Variants in ANO3 observed in about 807,000 individuals in gnomAD.
ANO3 encodes anoctamin-3.
Under a neutral mutation model 144.8 loss-of-function variants are expected in ANO3, and 99 were observed. That is an observed-to-expected ratio of 0.68 (90% CI 0.58 to 0.81). The LOEUF (loss-of-function observed/expected upper bound fraction) is 0.81, where lower values mean the gene tolerates loss of function less well. Ranked by LOEUF, ANO3 falls within the 30% of genes least tolerant of loss-of-function variation. ANO3 has a pLI of 0.00. For synonymous variants in ANO3, 414 were observed against 392.6 expected (o/e 1.05, Z -0.64); for missense variants, 905 against 1,202.2 (o/e 0.75, Z 3.66).
intron 17 of ANO3, among the ~76,000 whole-genome samples, chr11:26,604,299 G>A (rs11603245): frequency 0.15 from 23,529 of 152,160 alleles, 2,097 homozygotes; most frequent in East Asian, 0.33. Context: ...GTACCATGCT[G>A]TTTTGGTTAC....
chr11:26,512,127 G>A (rs1231293490), intron 5 of ANO3, among the ~76,000 whole-genome samples: 1 of 152,150 alleles, frequency 6.6e-6, no homozygotes, highest in Non-Finnish European at 1.5e-5. Flanking sequence ...ATCATGGGTG[G>A]CATTAGAGAT....
chr11:26,574,139 G>A (rs1850927292), intron 14 of ANO3, among the ~76,000 whole-genome samples: 3 of 152,062 alleles, frequency 2.0e-5, no homozygotes, highest in African/African-American at 7.2e-5. Flanking sequence ...TACCCACTAT[G>A]GTGCCTTTCA....
intron 17 of ANO3, among the ~76,000 whole-genome samples, chr11:26,619,845 A>G (rs1011476374): frequency 5.3e-5 from 8 of 152,254 alleles, no homozygotes; most frequent in African/African-American, 1.7e-4. Flanking sequence ...CAAATCATTC[A>G]AAAATACTCT....
chr11:26,615,093 G>GA (rs919385978), intron 17 of ANO3, among the ~76,000 whole-genome samples: 1 of 149,858 alleles, frequency 6.7e-6, no homozygotes, highest in Admixed American at 6.6e-5. Context: ...TTTATAATCA[G>GA]AAAAAAACTC....
chr11:26,437,945 A>C (rs1477560622), intron 1 of ANO3, among the ~76,000 whole-genome samples: 1 of 152,244 alleles, frequency 6.6e-6, no homozygotes, highest in Non-Finnish European at 1.5e-5. Context: ...AAGAGGATTT[A>C]ATTTTAGAAA....
chr11:26,396,299 G>A (rs1022586599), intron 1 of ANO3, among the ~76,000 whole-genome samples: 3 of 152,152 alleles, frequency 2.0e-5, no homozygotes, highest in Non-Finnish European at 4.4e-5. Flanking sequence ...ACAGATGCTG[G>A]AGGGGATGTG....
intron 1 of ANO3, among the ~76,000 whole-genome samples, chr11:26,192,392 G>C (rs550586160): frequency 6.6e-5 from 10 of 152,288 alleles, no homozygotes; most frequent in African/African-American, 1.9e-4. Context: ...TTTAATCTCA[G>C]TGGTGTGGCA....
chr11:26,547,880 T>C (rs1849828643), intron 12 of ANO3, among the ~76,000 whole-genome samples: 1 of 150,970 alleles, frequency 6.6e-6, no homozygotes, highest in Non-Finnish European at 1.5e-5. Flanking sequence ...GAATGCCCTC[T>C]TGATATATTC....
chr11:26,430,613 C>G (rs1259051478), intron 1 of ANO3, among the ~76,000 whole-genome samples: 1 of 151,090 alleles, frequency 6.6e-6, no homozygotes, highest in Non-Finnish European at 1.5e-5. Flanking sequence ...AAACAAATAC[C>G]AAGAAAGAAG....
In ANO3 at chr11:26,282,375, A is replaced by G. The variant is rs558432688; in HGVS notation, c.155-27270A>G. Among the ~76,000 whole-genome samples the G allele has an allele frequency of 3.3e-5, 5 of 150,380 alleles. No homozygotes were observed. In the East Asian group the frequency reaches 7.8e-4, roughly 24 times the overall value. On this transcript the variant is annotated intron_variant, in intron 1 of 27. Transcript: ENST00000672621. ...AATTTATCTCTTATTGTTGGTTGTT[A>G]GGAAACTCAGACATAAACTTTTATG...
chr11:26,333,276 C>T, intron 1 of ANO3, among the ~76,000 whole-genome samples: 1 of 127,304 alleles, frequency 7.9e-6, no homozygotes, highest in Non-Finnish European at 1.6e-5. Flanking sequence ...TTTTATGTAG[C>T]TCTTTGACTT....
At chr11:26,608,267 G>A (rs1449326964) in intron 17 of ANO3, among the ~76,000 whole-genome samples, 2 of 152,140 alleles carry the variant, frequency 1.3e-5, no homozygotes, top group Non-Finnish European at 1.5e-5. Context: ...CATGCCTGTA[G>A]ATGTCACACA....
Position 26,443,771 on chromosome 11 carries a change from C to A in ANO3, c.248C>A (p.Thr83Asn). Reference protein sequence around the residue: ...ISTDKAEQVNTEENKNDSVLR... With the variant: ...ISTDKAEQVNNEENKNDSVLR... ...GTATCTTATTTTATTTCAGTTAATACTGAGGAGAATAAAAACGACTCTGTG... is the reference window on the plus strand; with the variant it reads ...GTATCTTATTTTATTTCAGTTAATAATGAGGAGAATAAAAACGACTCTGTG... Residue 83 changes from threonine (T) to asparagine (N), a missense_variant, in exon 3 of 27, where the codon ACT becomes AAT. This residue lies in a region of ANO3 where 174 missense variants were observed against 171.9 expected (regional missense o/e 1.01). Coordinates refer to ENST00000256737, the MANE Select transcript of ANO3 (RefSeq NM_031418.4). 7.1e-7 allele frequency: 1 copy of A among 1,400,982 alleles called. No homozygotes were observed. The allele number at this position is 1,400,982 out of a possible 1,614,324, so 86.8% of individuals were successfully genotyped here. A position where few individuals can be genotyped will look rare whatever the true frequency, so the allele number is the denominator to read the frequency against.
intron 1 of ANO3, among the ~76,000 whole-genome samples, chr11:26,359,891 G>GTGTGTGTGTC (rs1855878161): frequency 6.6e-6 from 1 of 151,666 alleles, no homozygotes; most frequent in Non-Finnish European, 1.5e-5. Context: ...GTGTGTGTGT[G>GTGTGTGTGTC]TGTGTGTGTA....
At chr11:26,519,596 C>T (rs1462198502) in intron 6 of ANO3, among the ~76,000 whole-genome samples, 1 of 151,992 alleles carries the variant, frequency 6.6e-6, no homozygotes, top group Non-Finnish European at 1.5e-5. Flanking sequence ...TGGTGAGGGC[C>T]CTCTTTTGGG....
At chr11:26,267,744 G>T (rs1853346216) in intron 1 of ANO3, among the ~76,000 whole-genome samples, 1 of 151,914 alleles carries the variant, frequency 6.6e-6, no homozygotes, top group Non-Finnish European at 1.5e-5. Context: ...CTTTCCTTTT[G>T]CTCCTCAAAA....
chr11:26,540,040 G>A (rs900341959), intron 10 of ANO3, among the ~76,000 whole-genome samples: 4 of 151,948 alleles, frequency 2.6e-5, no homozygotes, highest in African/African-American at 7.3e-5. Context: ...CCTCTTTTTA[G>A]ATAATAAAAG....
At chr11:26,434,706 T>C (rs576901575) in intron 1 of ANO3, among the ~76,000 whole-genome samples, 1 of 152,194 alleles carries the variant, frequency 6.6e-6, no homozygotes, top group Non-Finnish European at 1.5e-5. Flanking sequence ...GGAAAATGGT[T>C]GTTTAATTTT....
At chr11:26,400,411 G>GT (rs1232192094) in intron 1 of ANO3, among the ~76,000 whole-genome samples, 1 of 151,814 alleles carries the variant, frequency 6.6e-6, no homozygotes, top group Admixed American at 6.6e-5. Context: ...AATTGTGTTT[G>GT]TTTTTTTATT....
Sources: gnomAD v4.1 joint callset for allele counts (sites outside exome capture counted in the v4.1 genomes callset) on GRCh38, gnomAD v4.1.1 for gene constraint, gnomAD v4.1.1 regional missense constraint, MANE v1.5 for transcripts, NCBI Gene and HGNC (gene_info 2026-07-23, HGNC 2026-07-21) for gene names.